The following BEST3 variants were observed in gnomAD, a reference collection of about 807,000 sequenced individuals.
The protein encoded by BEST3 is bestrophin-3.
A neutral mutation model predicts 47.1 loss-of-function variants in BEST3; 50 were observed. That is an observed-to-expected ratio of 1.06 (90% CI 0.85 to 1.34). The LOEUF (loss-of-function observed/expected upper bound fraction) is 1.34. BEST3 is among the 40% of genes most tolerant of loss of function. The pLI, the probability that BEST3 is intolerant of heterozygous loss-of-function variation, is 0.00. For missense variants in BEST3, 765 were observed against 817.0 expected (o/e 0.94, Z 0.78); for synonymous variants, 282 against 298.8 (o/e 0.94, Z 0.58).
intron 1 of BEST3, among the ~76,000 whole-genome samples, chr12:69,698,617 A>G (rs2136056804): frequency 1.3e-5 from 2 of 152,356 alleles, no homozygotes; most frequent in South Asian, 4.1e-4. Context: ...AGAGTCTTAT[A>G]GAGCTACTTA....
downstream of BEST3, among the ~76,000 whole-genome samples, chr12:69,649,246 C>T (rs1196256926): frequency 4.6e-5 from 7 of 152,364 alleles, no homozygotes; most frequent in Non-Finnish European, 1.0e-4. Flanking sequence ...GACCTGCCCG[C>T]CTTGGCCTCC....
At chr12:69,684,055 C>T (rs1055671924) in intron 4 of BEST3, 1 of 153,170 alleles carries the variant, frequency 6.5e-6, no homozygotes, top group Non-Finnish European at 1.5e-5. Flanking sequence ...TGCTACAGTT[C>T]GGCAACACTC....
chr12:69,651,189 A>C (rs1403513625), downstream of BEST3, among the ~76,000 whole-genome samples: 1 of 152,186 alleles, frequency 6.6e-6, no homozygotes, highest in Non-Finnish European at 1.5e-5. Context: ...CTTTTTCTGA[A>C]GTTCATAGTG....
At chr12:69,662,754 T>A (rs2135934782) in intron 9 of BEST3, among the ~76,000 whole-genome samples, 1 of 152,336 alleles carries the variant, frequency 6.6e-6, no homozygotes, top group Non-Finnish European at 1.5e-5. Context: ...ACCCCCTTTT[T>A]AAGATTATTA....
In BEST3 at chr12:69,655,410, C is replaced by T. The variant is rs757476199; in HGVS notation, c.1504G>A (p.Glu502Lys). Residue 502 changes from glutamate (E) to lysine (K), a missense_variant, in exon 10 of 10, where the codon GAG becomes AAG. By Grantham distance (56) the Glu-to-Lys change is moderately conservative. Coordinates refer to ENST00000330891, the MANE Select transcript of BEST3 (RefSeq NM_032735.3). ...TSPIKMPLVP[E>K]VLITAAEAPV... ...GCTTCGGCTGCTGTGATCAATACCT[C>T]AGGTACCAGTGGCATTTTGATGGGG... The T allele has an allele frequency of 5.6e-6, 9 of 1,614,060 alleles. No homozygotes were observed. Among genetic ancestry groups the T allele is most frequent in the Non-Finnish European group, 6.8e-6 (8 of 1,180,044 alleles).
rs10906 is a variant in BEST3 at position 69,653,718 on chromosome 12, C to T, written c.*1189G>A. 138,073 of 985,230 alleles carry T rather than the reference C, an allele frequency of 0.14. 10,366 individuals carry two copies. Among genetic ancestry groups the T allele is most frequent in the Middle Eastern group, 0.16 (299 of 1,914 alleles). The allele number at this position is 985,230 out of a possible 1,614,324, so 61.0% of individuals were successfully genotyped here. A position where few individuals can be genotyped will look rare whatever the true frequency, so the allele number is the denominator to read the frequency against. ...CATGGCCTAGGCACTTGGGAGCCCACGACAAACAGCTGTCCTGAGAGCTCC... is the reference window on the plus strand; with the variant it reads ...CATGGCCTAGGCACTTGGGAGCCCATGACAAACAGCTGTCCTGAGAGCTCC... On this transcript the variant is annotated 3_prime_UTR_variant, in exon 10 of 10. Transcript: ENST00000330891.
chr12:69,677,135 GGTAGGCAA>G (rs1284592988), intron 6 of BEST3, 37 bp downstream of exon 6: 8 of 1,613,004 alleles, frequency 5.0e-6, no homozygotes, highest in Non-Finnish European at 6.8e-6. Context: ...ACAGTGCCAA[GGTAGGCAA>G]GTAGAAATAA....
chr12:69,653,048 CATT>C (rs1341425295), downstream of BEST3, among the ~76,000 whole-genome samples: 1 of 152,174 alleles, frequency 6.6e-6, no homozygotes, highest in African/African-American at 2.4e-5. Context: ...AAGTAAATGT[CATT>C]GTTGTCATGC....
rs141036232 is a variant in BEST3, at chr12:69,671,727, C to A, written c.949-148G>T. ...TGTCTGTAGTTCATACTTGCCATGA[C>A]CACAGCTGCCACAGAGAGTTGTATC... On this transcript the variant is annotated intron_variant, in intron 8 of 9. Transcript: ENST00000330891. The A allele has an allele frequency of 5.0e-4, 347 of 695,122 alleles. 3 individuals are homozygous for A. In the African/African-American group the frequency reaches 5.9e-3, roughly 12 times the overall value. 43.1% of individuals were successfully genotyped at this position (695,122 alleles called of 1,614,324 possible). A position where few individuals can be genotyped will look rare whatever the true frequency, so the allele number is the denominator to read the frequency against.
At chr12:69,646,435 T>G (rs1883038206) in intron 9 of BEST3, among the ~76,000 whole-genome samples, 1 of 151,372 alleles carries the variant, frequency 6.6e-6, no homozygotes, top group Admixed American at 6.6e-5. Context: ...CCTTCAAGCA[T>G]CCATGCACCT....
chr12:69,645,172 G>T (rs1368864452), intron 9 of BEST3, among the ~76,000 whole-genome samples: 1 of 152,126 alleles, frequency 6.6e-6, no homozygotes, highest in African/African-American at 2.4e-5. Flanking sequence ...TAGTTATTTG[G>T]CAGAGTGTTC....
At chr12:69,673,996 C>G (rs763298470) in intron 7 of BEST3, among the ~76,000 whole-genome samples, 1 of 152,094 alleles carries the variant, frequency 6.6e-6, no homozygotes, top group Non-Finnish European at 1.5e-5. Context: ...GTATAAAATA[C>G]AACTCATCTA....
intron 4 of BEST3, among the ~76,000 whole-genome samples, chr12:69,681,757 C>G (rs573079075): frequency 9.2e-5 from 14 of 152,182 alleles, no homozygotes; most frequent in African/African-American, 2.6e-4. Flanking sequence ...CAAGTCTGCA[C>G]CTTAGAATCT....
chr12:69,654,296 G>A lies in BEST3; in HGVS notation c.*611C>T. The A allele has an allele frequency of 1.0e-6, 1 of 984,952 alleles. No homozygotes were observed. The highest frequency in any genetic ancestry group is 1.2e-6 in the Non-Finnish European group (1 of 829,504). The allele number at this position is 984,952 out of a possible 1,614,324, so 61.0% of individuals were successfully genotyped here. On this transcript the variant is annotated 3_prime_UTR_variant, in exon 10 of 10. Coordinates refer to ENST00000330891, the MANE Select transcript of BEST3 (RefSeq NM_032735.3). ...AGGATGACAGAATAAAAGGAAAAGA[G>A]AGAAAAGTAAAAAAGGAAATTGAAG... is the stretch of plus-strand genomic sequence containing the variant.
In BEST3 at chr12:69,655,658, T is replaced by C. The variant is rs768298751; in HGVS notation, c.1256A>G (p.Asp419Gly). ...ATCTCGGGGTAAGAACATGGAGCTGTCACTTGTCTGCCTCCTGTAGCTTCT... is the reference window on the plus strand; with the variant it reads ...ATCTCGGGGTAAGAACATGGAGCTGCCACTTGTCTGCCTCCTGTAGCTTCT... The part of the protein sequence containing the change: ...RRRSYRRQTS[D>G]SSMFLPRDDL... Residue 419 changes from aspartate (D) to glycine (G), a missense_variant, in exon 10 of 10, where the codon GAC becomes GGC. Transcript: ENST00000330891. 3.7e-6 allele frequency: 6 copies of C among 1,613,894 alleles called. No individual in the cohort carries two copies. The East Asian group carries it at 1.3e-4, about 36-fold the overall frequency.
At chr12:69,645,407 A>G (rs982255651) in intron 9 of BEST3, among the ~76,000 whole-genome samples, 1 of 152,236 alleles carries the variant, frequency 6.6e-6, no homozygotes, top group African/African-American at 2.4e-5. Flanking sequence ...GACAGCACTT[A>G]CTGCAGTAAC....
intron 4 of BEST3, among the ~76,000 whole-genome samples, chr12:69,689,795 T>C (rs1186621243): frequency 6.6e-6 from 1 of 152,190 alleles, no homozygotes; most frequent in African/African-American, 2.4e-5. Flanking sequence ...AGATCCCTTA[T>C]ACAGTAGCCT....
intron 4 of BEST3, chr12:69,688,954 G>A (rs1885796031): frequency 2.8e-6 from 1 of 362,612 alleles, no homozygotes. Flanking sequence ...CCTGAAGTTT[G>A]AGAACATGTA....
intron 1 of BEST3, among the ~76,000 whole-genome samples, chr12:69,698,417 A>G (rs999216194): frequency 2.0e-5 from 3 of 152,210 alleles, no homozygotes; most frequent in African/African-American, 7.2e-5. Context: ...ACTGGGCCCA[A>G]AAGCCTTGTT....
Sources: allele counts gnomAD v4.1 joint callset (sites outside exome capture counted in the v4.1 genomes callset), GRCh38; gene constraint gnomAD v4.1.1; transcripts MANE v1.5; gene names NCBI Gene and HGNC (gene_info 2026-07-23, HGNC 2026-07-21).